Variants in DRC11 observed in about 807,000 individuals in gnomAD.
DRC11 encodes the protein IQ and AAA domain-containing protein 1.
chr2:236,419,416 G>T, the DRC11 span: 1 of 1,294,454 alleles, frequency 7.7e-7, no homozygotes. The surrounding 1 kb of genome is among the most constrained non-coding windows in gnomAD (Gnocchi z 4.8). Context: ...CCCTTCTGGG[G>T]CATGGTGGGG....
chr2:236,421,988 C>T, the DRC11 span, among the ~76,000 whole-genome samples: 139 of 152,204 alleles, frequency 9.1e-4, 1 homozygote, highest in African/African-American at 3.2e-3. Flanking sequence ...GCAGAAAAGG[C>T]CTTTGACAAA....
At chr2:236,377,744 C>T in the DRC11 span, among the ~76,000 whole-genome samples, 1 of 152,148 alleles carries the variant, frequency 6.6e-6, no homozygotes, top group Non-Finnish European at 1.5e-5. The surrounding 1 kb of genome is among the most constrained non-coding windows in gnomAD (Gnocchi z 4.9). Flanking sequence ...TTATACTTTA[C>T]AGAGTGTTTA....
At chr2:236,412,328 T>G in the DRC11 span, among the ~76,000 whole-genome samples, 1 of 152,208 alleles carries the variant, frequency 6.6e-6, no homozygotes, top group Admixed American at 6.5e-5. Context: ...TCCATGCTGT[T>G]CCCATCCCCC....
chr2:236,331,684 A>C, the DRC11 span: 17 of 972,822 alleles, frequency 1.7e-5, no homozygotes, highest in African/African-American at 3.3e-5. The surrounding 1 kb of genome is among the most constrained non-coding windows in gnomAD (Gnocchi z 4.8). Context: ...GTTGCATCTC[A>C]TCAAGAAAGG....
At chr2:236,309,852 G>A in the DRC11 span, among the ~76,000 whole-genome samples, 17 of 152,336 alleles carry the variant, frequency 1.1e-4, no homozygotes, top group East Asian at 1.5e-3. This position sits in a 1 kb window ranked among gnomAD's most constrained non-coding sequence, Gnocchi z 5.7. Context: ...GGAGGACGGA[G>A]GGATGTTTCC....
chr2:236,326,611 A>AT, the DRC11 span, among the ~76,000 whole-genome samples: 2 of 151,322 alleles, frequency 1.3e-5, no homozygotes, highest in South Asian at 4.2e-4. Flanking sequence ...TTTTTGTAAT[A>AT]TTTTTTCATA....
chr2:236,463,349 A>G, the DRC11 span, among the ~76,000 whole-genome samples: 1 of 152,218 alleles, frequency 6.6e-6, no homozygotes, highest in African/African-American at 2.4e-5. This position sits in a 1 kb window ranked among gnomAD's most constrained non-coding sequence, Gnocchi z 5.0. Context: ...TCCATTCATC[A>G]CTAACAGTAC....
At chr2:236,499,871 G>A in the DRC11 span, among the ~76,000 whole-genome samples, 1 of 152,156 alleles carries the variant, frequency 6.6e-6, no homozygotes, top group African/African-American at 2.4e-5. This position sits in a 1 kb window ranked among gnomAD's most constrained non-coding sequence, Gnocchi z 4.7. Flanking sequence ...CTGTTTGACT[G>A]GGACTCTCTC....
chr2:236,365,396 G>A, the DRC11 span, among the ~76,000 whole-genome samples: 2 of 152,070 alleles, frequency 1.3e-5, no homozygotes, highest in Admixed American at 1.3e-4. This position sits in a 1 kb window ranked among gnomAD's most constrained non-coding sequence, Gnocchi z 7.4. Context: ...GGTAGCATGC[G>A]GTGAGGGGGG....
chr2:236,425,432 T>C, the DRC11 span, among the ~76,000 whole-genome samples: 1 of 152,058 alleles, frequency 6.6e-6, no homozygotes, highest in African/African-American at 2.4e-5. Flanking sequence ...TGTTGACCAT[T>C]TGTATGTCTT....
the DRC11 span, among the ~76,000 whole-genome samples, chr2:236,371,305 T>G: frequency 6.6e-6 from 1 of 152,196 alleles, no homozygotes; most frequent in East Asian, 1.9e-4. The surrounding 1 kb of genome is among the most constrained non-coding windows in gnomAD (Gnocchi z 5.1). Flanking sequence ...GTTGTCAAGG[T>G]GTTAAAAAGG....
chr2:236,504,559 C>T, the DRC11 span, among the ~76,000 whole-genome samples: 3 of 152,194 alleles, frequency 2.0e-5, no homozygotes, highest in East Asian at 1.9e-4. The surrounding 1 kb of genome is among the most constrained non-coding windows in gnomAD (Gnocchi z 5.0). Flanking sequence ...TTCATGCTTA[C>T]GCCTCCTTCA....
At chr2:236,476,077 G>T in the DRC11 span, among the ~76,000 whole-genome samples, 1 of 151,922 alleles carries the variant, frequency 6.6e-6, no homozygotes, top group African/African-American at 2.4e-5. The surrounding 1 kb of genome is among the most constrained non-coding windows in gnomAD (Gnocchi z 4.7). Flanking sequence ...TGGTTCTATA[G>T]GAATTTTAGA....
the DRC11 span, among the ~76,000 whole-genome samples, chr2:236,466,296 G>A: frequency 5.3e-5 from 8 of 151,996 alleles, no homozygotes; most frequent in South Asian, 2.1e-4. Context: ...TAGGACCTAC[G>A]CATGTGTTCA....
the DRC11 span, among the ~76,000 whole-genome samples, chr2:236,453,801 G>A: frequency 6.6e-6 from 1 of 152,076 alleles, no homozygotes; most frequent in Non-Finnish European, 1.5e-5. The surrounding 1 kb of genome is among the most constrained non-coding windows in gnomAD (Gnocchi z 4.9). Flanking sequence ...CACCATGCCT[G>A]GCTAATTTTT....
the DRC11 span, chr2:236,363,772 A>G: frequency 6.3e-6 from 10 of 1,597,804 alleles, no homozygotes; most frequent in African/African-American, 1.2e-4. The surrounding 1 kb of genome is among the most constrained non-coding windows in gnomAD (Gnocchi z 5.6). Flanking sequence ...AAGAAATGTA[A>G]TCCATACCTT....
the DRC11 span, chr2:236,441,050 G>T: frequency 6.5e-7 from 1 of 1,540,862 alleles, no homozygotes; most frequent in Admixed American, 1.9e-5. Flanking sequence ...CTGTTGTATG[G>T]TCTTGTCAGA....
At chr2:236,495,020 G>A in the DRC11 span, among the ~76,000 whole-genome samples, 1 of 152,170 alleles carries the variant, frequency 6.6e-6, no homozygotes, top group Non-Finnish European at 1.5e-5. This position sits in a 1 kb window ranked among gnomAD's most constrained non-coding sequence, Gnocchi z 5.6. Context: ...TTGTCTTATA[G>A]CTCCATCTGG....
At chr2:236,477,721 T>C in the DRC11 span, among the ~76,000 whole-genome samples, 4 of 152,188 alleles carry the variant, frequency 2.6e-5, no homozygotes, top group Admixed American at 6.5e-5. Flanking sequence ...TTAGTCATCA[T>C]TGGTCTGTTC....
Sources: gnomAD v4.1 joint callset for allele counts (sites outside exome capture counted in the v4.1 genomes callset) on GRCh38, gnomAD v4.1.1 for gene constraint, Gnocchi (gnomAD v3.1) non-coding constraint, MANE v1.5 for transcripts, NCBI Gene and HGNC (gene_info 2026-07-23, HGNC 2026-07-21) for gene names.